LSAMP: variants seen among roughly 807,000 people sequenced by gnomAD.
The protein encoded by LSAMP is limbic system associated membrane protein.
A neutral mutation model predicts 38.6 loss-of-function variants in LSAMP; 7 were observed. The observed-to-expected ratio is 0.18, with a 90% CI of 0.10 to 0.34. LSAMP has a LOEUF of 0.34. Ranked by LOEUF, LSAMP falls within the 10% of genes least tolerant of loss-of-function variation. The pLI is 1.00. For missense variants in LSAMP, 313 were observed against 420.0 expected, an observed-to-expected ratio of 0.75 and a Z score of 2.23; for synonymous variants, 154 against 166.8, an observed-to-expected ratio of 0.92 and a Z score of 0.59.
intron 3 of LSAMP, among the ~76,000 whole-genome samples, chr3:115,934,422 C>G (rs1223325137): frequency 1.3e-5 from 2 of 152,098 alleles, no homozygotes; most frequent in Non-Finnish European, 2.9e-5. Context: ...AGCAATCCAC[C>G]TGCCTCGGCC....
At chr3:115,901,694 T>C (rs1396819327) in intron 3 of LSAMP, among the ~76,000 whole-genome samples, 5 of 152,152 alleles carry the variant, frequency 3.3e-5, no homozygotes. Context: ...CCAAATAAAA[T>C]CTTCCAAATA....
intron 1 of LSAMP, among the ~76,000 whole-genome samples, chr3:116,189,698 G>T (rs1004286106): frequency 4.6e-5 from 7 of 152,032 alleles, no homozygotes; most frequent in Non-Finnish European, 1.0e-4. Context: ...CATTACAAAA[G>T]GAGTCATGAT....
At chr3:116,049,376 C>A (rs1207274356) in intron 2 of LSAMP, among the ~76,000 whole-genome samples, 1 of 152,118 alleles carries the variant, frequency 6.6e-6, no homozygotes, top group Non-Finnish European at 1.5e-5. Context: ...GCCATTTTTC[C>A]CAGTGACAAT....
intron 1 of LSAMP, among the ~76,000 whole-genome samples, chr3:116,168,792 A>T (rs1710124230): frequency 6.6e-6 from 1 of 152,232 alleles, no homozygotes; most frequent in South Asian, 2.1e-4. Context: ...GGTAGGTACC[A>T]GTTTTTAATT....
At chr3:115,947,943 T>G (rs1938155856) in intron 3 of LSAMP, among the ~76,000 whole-genome samples, 1 of 152,214 alleles carries the variant, frequency 6.6e-6, no homozygotes, top group African/African-American at 2.4e-5. Context: ...AATTGCACAC[T>G]TGAGAGAATG....
At chr3:116,436,833 C>G (rs2049356566) in intron 1 of LSAMP, among the ~76,000 whole-genome samples, 1 of 152,066 alleles carries the variant, frequency 6.6e-6, no homozygotes, top group South Asian at 2.1e-4. Flanking sequence ...TACTGGATAT[C>G]TGCCCAGAGG....
At chr3:116,279,843 T>A (rs763399818) in intron 1 of LSAMP, among the ~76,000 whole-genome samples, 6 of 152,216 alleles carry the variant, frequency 3.9e-5, no homozygotes, top group Non-Finnish European at 8.8e-5. Context: ...GATTTTCATA[T>A]GTCATATGAT....
chr3:115,932,699 GTTA>G (rs1374307201), intron 3 of LSAMP, among the ~76,000 whole-genome samples: 4 of 152,148 alleles, frequency 2.6e-5, no homozygotes, highest in Non-Finnish European at 4.4e-5. Context: ...ACTATCTCTA[GTTA>G]TTCTTTTTTT....
chr3:116,145,085 CTTTAG>C (rs777904442), intron 1 of LSAMP, among the ~76,000 whole-genome samples: 1 of 151,758 alleles, frequency 6.6e-6, no homozygotes. Context: ...CTTTGGTGAT[CTTTAG>C]TTTATCTACA....
chr3:115,907,966 T>C (rs1490593698), intron 3 of LSAMP, among the ~76,000 whole-genome samples: 1 of 152,098 alleles, frequency 6.6e-6, no homozygotes, highest in Non-Finnish European at 1.5e-5. Flanking sequence ...GATGACTTCA[T>C]CTATCTAAAG....
chr3:116,127,734 G>T lies in LSAMP; in HGVS notation c.156-41178C>A, dbSNP rs575175763. On this transcript the variant is annotated intron_variant, in intron 1 of 6. Transcript: ENST00000490035. ...TTTTTTTTTTTTTGGTAGACCTGTTGGATCACGAGGCAAATAGTACAAAAA... is the reference window on the plus strand; with the variant it reads ...TTTTTTTTTTTTTGGTAGACCTGTTTGATCACGAGGCAAATAGTACAAAAA... 2.1e-3 allele frequency among the ~76,000 whole-genome samples: 245 copies of T among 114,120 alleles called. 1 individual carries two copies. Among genetic ancestry groups the T allele is most frequent in the Middle Eastern group, 9.8e-3 (1 of 102 alleles). 74.9% of individuals were successfully genotyped at this position (114,120 alleles called of 152,430 possible).
At chr3:116,226,586 G>C (rs1250040554) in intron 1 of LSAMP, among the ~76,000 whole-genome samples, 1 of 152,216 alleles carries the variant, frequency 6.6e-6, no homozygotes, top group Non-Finnish European at 1.5e-5. Flanking sequence ...TGGAATCAGT[G>C]TCATTTAACA....
intron 3 of LSAMP, among the ~76,000 whole-genome samples, chr3:115,909,532 C>T (rs1367271565): frequency 6.6e-6 from 1 of 152,186 alleles, no homozygotes; most frequent in East Asian, 1.9e-4. Flanking sequence ...TTCTTCCAAT[C>T]CCCGTCCAGT....
intron 1 of LSAMP, among the ~76,000 whole-genome samples, chr3:116,104,926 T>A (rs1422086233): frequency 6.6e-6 from 1 of 152,188 alleles, no homozygotes; most frequent in African/African-American, 2.4e-5. Flanking sequence ...CCTGTCATCC[T>A]CATAAAACAT....
chr3:116,353,596 C>T (rs1252453025), intron 1 of LSAMP, among the ~76,000 whole-genome samples: 4 of 152,008 alleles, frequency 2.6e-5, no homozygotes, highest in African/African-American at 7.2e-5. Context: ...TGAAATGTTA[C>T]ATATGAATCT....
At chr3:116,162,078 T>C (rs1045619343) in intron 1 of LSAMP, among the ~76,000 whole-genome samples, 2 of 152,082 alleles carry the variant, frequency 1.3e-5, no homozygotes, top group African/African-American at 2.4e-5. Context: ...CCGCCTCCTT[T>C]ACCCCTAGAG....
intron 1 of LSAMP, among the ~76,000 whole-genome samples, chr3:116,219,141 A>C (rs1163278532): frequency 6.6e-6 from 1 of 152,114 alleles, no homozygotes; most frequent in Non-Finnish European, 1.5e-5. Context: ...CCTAGCAACA[A>C]CCACCCTTTG....
Position 116,329,917 on chromosome 3 carries a change from A to G in LSAMP, c.155+114960T>C, listed in dbSNP as rs2047825793. The stretch of plus-strand genomic sequence containing the variant: ...ATACTGATAACTTACATTAAATTAA[A>G]TTAACGTTTAATGTGTCATTCAATA... On this transcript the variant is annotated intron_variant, in intron 1 of 6. Transcript: ENST00000490035. Among the ~76,000 whole-genome samples, 4 of 152,322 alleles carry G rather than the reference A, an allele frequency of 2.6e-5. No homozygotes were observed. In the South Asian group the frequency reaches 8.3e-4, roughly 32 times the overall value.
At chr3:115,901,963 A>T (rs1936886174) in intron 3 of LSAMP, among the ~76,000 whole-genome samples, 1 of 152,094 alleles carries the variant, frequency 6.6e-6, no homozygotes, top group Admixed American at 6.6e-5. Context: ...ACTAGCAATC[A>T]ATGATAAAAT....
Sources: allele counts gnomAD v4.1 joint callset (sites outside exome capture counted in the v4.1 genomes callset), GRCh38; gene constraint gnomAD v4.1.1; transcripts MANE v1.5; gene names NCBI Gene and HGNC (gene_info 2026-07-23, HGNC 2026-07-21).